EPC2: variants seen among roughly 807,000 people sequenced by gnomAD.
The protein encoded by EPC2 is enhancer of polycomb 2.
EPC2 carries 14 observed loss-of-function variants against 92.1 expected under a neutral mutation model. That is an observed-to-expected ratio of 0.15 (90% CI 0.10 to 0.24). The LOEUF (loss-of-function observed/expected upper bound fraction) is 0.24, where lower values mean the gene tolerates loss of function less well. Ranked by LOEUF, EPC2 falls within the 10% of genes least tolerant of loss-of-function variation. The probability of loss-of-function intolerance (pLI) is 1.00; values close to 1 mark genes in which losing one functional copy is unlikely to be tolerated. For synonymous variants in EPC2, 340 were observed against 334.7 expected, an observed-to-expected ratio of 1.02 and a Z score of -0.17; for missense variants, 755 against 971.5, an observed-to-expected ratio of 0.78 and a Z score of 2.96.
chr2:148,683,468 A>G lies in EPC2; in HGVS notation c.154-6746A>G, dbSNP rs145040933. ...ATTTTAGTAGAGACAGGGTTTCACC[A>G]TGTTAGCCAGGATTGTCTCGATCTC... On this transcript the variant is annotated intron_variant, in intron 1 of 13. Transcript: ENST00000258484. Among the ~76,000 whole-genome samples, 180 of 152,072 alleles carry G rather than the reference A, an allele frequency of 1.2e-3. No individual in the cohort carries two copies. In the Middle Eastern group the frequency reaches 0.014, roughly 12 times the overall value.
At chr2:148,708,178 C>T (rs188527298) in intron 2 of EPC2, among the ~76,000 whole-genome samples, 87 of 152,260 alleles carry the variant, frequency 5.7e-4, no homozygotes, top group Non-Finnish European at 1.3e-4. Flanking sequence ...ACCTGCCCTA[C>T]GGAAGTACAG....
intron 1 of EPC2, among the ~76,000 whole-genome samples, chr2:148,681,376 G>A (rs1211960684): frequency 1.3e-5 from 2 of 152,128 alleles, no homozygotes; most frequent in Non-Finnish European, 2.9e-5. Flanking sequence ...GGGCTGTGTG[G>A]AGAATGGCAG....
chr2:148,645,505 T>G (rs1055211237), intron 1 of EPC2: 1 of 267,684 alleles, frequency 3.7e-6, no homozygotes, highest in African/African-American at 2.2e-5. Flanking sequence ...TCCACCTCCC[T>G]CTCTCAGGCG....
At chr2:148,770,743 C>T in intron 8 of EPC2, 49 bp from the exon 9 acceptor site, 1 of 1,548,374 alleles carries the variant, frequency 6.5e-7, no homozygotes, top group Non-Finnish European at 8.7e-7. Flanking sequence ...GTCTTCATTT[C>T]AGATTTACTC....
intron 4 of EPC2, among the ~76,000 whole-genome samples, chr2:148,756,495 T>C (rs1302688135): frequency 6.6e-6 from 1 of 152,230 alleles, no homozygotes; most frequent in Admixed American, 6.5e-5. Flanking sequence ...AAAACACTTG[T>C]GTAGTTGATG....
chr2:148,725,535 CAGTT>C (rs1682477114), intron 2 of EPC2, among the ~76,000 whole-genome samples: 1 of 152,070 alleles, frequency 6.6e-6, no homozygotes, highest in African/African-American at 2.4e-5. Context: ...CAAAATCAGT[CAGTT>C]GTCATTGATA....
chr2:148,767,120 C>T (rs529117344), intron 7 of EPC2, among the ~76,000 whole-genome samples: 1 of 151,622 alleles, frequency 6.6e-6, no homozygotes, highest in South Asian at 2.1e-4. Flanking sequence ...ATTGCTCGAG[C>T]CAGGGAGATG....
At chr2:148,762,571 T>C in intron 5 of EPC2, 99 bp from the exon 6 acceptor site, 1 of 820,216 alleles carries the variant, frequency 1.2e-6, no homozygotes, top group Non-Finnish European at 1.8e-6. Flanking sequence ...GTTAGCCCTT[T>C]TTGACTAGGT....
chr2:148,700,690 CT>C (rs77147387), intron 2 of EPC2, among the ~76,000 whole-genome samples: 5,302 of 139,748 alleles, frequency 0.038, 265 homozygotes, highest in African/African-American at 0.12. Flanking sequence ...GCCCTTTTTA[CT>C]TTTTTTTTTT....
intron 2 of EPC2, among the ~76,000 whole-genome samples, chr2:148,727,752 A>T (rs1682526255): frequency 6.6e-6 from 1 of 152,336 alleles, no homozygotes; most frequent in South Asian, 2.1e-4. Flanking sequence ...TAACAGAGGG[A>T]TCACTGATCC....
intron 2 of EPC2, among the ~76,000 whole-genome samples, chr2:148,720,486 C>A (rs1483986694): frequency 2.3e-4 from 35 of 152,182 alleles, no homozygotes; most frequent in Non-Finnish European, 2.9e-5. Flanking sequence ...GGACCTCCCG[C>A]CTTGTCTGAG....
intron 1 of EPC2, among the ~76,000 whole-genome samples, chr2:148,666,996 A>G (rs1483488739): frequency 6.6e-6 from 1 of 152,144 alleles, no homozygotes; most frequent in Admixed American, 6.5e-5. Context: ...AACTATGTAA[A>G]TGAAAGACTG....
intron 2 of EPC2, among the ~76,000 whole-genome samples, chr2:148,699,312 CAT>C (rs1391248007): frequency 6.6e-6 from 1 of 152,170 alleles, no homozygotes. Context: ...TATTAAAGTT[CAT>C]AGTTACAGTT....
At position 148,771,058 on chromosome 2, in the gene EPC2, G is replaced by T. The variant is rs773161874; in HGVS notation, c.1391G>T (p.Arg464Leu). Reference sequence around the variant, plus strand: ...TTGCTTTTCAGGGTCATAATGGACCGAATATCCACAGAACATGACCCAGTC... The same window carrying T: ...TTGCTTTTCAGGGTCATAATGGACCTAATATCCACAGAACATGACCCAGTC... ...IGRGGRVIMD[R>L]ISTEHDPVLK... The change falls in exon 10 of 14, where the codon CGA becomes CTA. Residue 464 changes from arginine (R) to leucine (L), a missense_variant. Physicochemically the swap from Arg to Leu is moderately radical, Grantham distance 102 (BLOSUM62 -2). Coordinates refer to ENST00000258484, the MANE Select transcript of EPC2 (RefSeq NM_015630.4). 2 of 1,605,114 alleles carry T rather than the reference G, an allele frequency of 1.2e-6. No homozygotes were observed. The highest frequency in any genetic ancestry group is 2.7e-5 in the African/African-American group (2 of 74,436).
Position 148,743,779 on chromosome 2 carries a change from T to C in EPC2, c.459+12T>C. ...CCAGTTCTAATCAGGTACTGTACCA[T>C]GTAAAGATGTCTCTTATCTTCTAGT... On this transcript the variant is annotated intron_variant, in intron 3 of 13. Transcript: ENST00000258484. 1 of 1,512,136 alleles carries C rather than the reference T, an allele frequency of 6.6e-7. No individual in the cohort carries two copies. Among genetic ancestry groups the C allele is most frequent in the Non-Finnish European group, 8.8e-7 (1 of 1,135,436 alleles). The allele number at this position is 1,512,136 out of a possible 1,614,324, so 93.7% of individuals were successfully genotyped here.
At chr2:148,685,318 T>C (rs1405493052) in intron 1 of EPC2, among the ~76,000 whole-genome samples, 1 of 152,190 alleles carries the variant, frequency 6.6e-6, no homozygotes, top group African/African-American at 2.4e-5. Context: ...AGCTGAAAGA[T>C]ATTTCCCTTT....
At chr2:148,783,972 C>T (rs1683809268) in intron 12 of EPC2, among the ~76,000 whole-genome samples, 1 of 152,204 alleles carries the variant, frequency 6.6e-6, no homozygotes, top group Non-Finnish European at 1.5e-5. Flanking sequence ...TGAATACATA[C>T]CTGTGTAACA....
At chr2:148,746,125 A>C (rs950422192) in intron 3 of EPC2, among the ~76,000 whole-genome samples, 1 of 151,824 alleles carries the variant, frequency 6.6e-6, no homozygotes, top group African/African-American at 2.4e-5. Flanking sequence ...GGGTTTCTTG[A>C]AATTCTGTTC....
chr2:148,767,225 C>T (rs1163273324), intron 7 of EPC2, among the ~76,000 whole-genome samples: 1 of 150,896 alleles, frequency 6.6e-6, no homozygotes, highest in Non-Finnish European at 1.5e-5. Flanking sequence ...ATGAATGATA[C>T]TGTAGGGTGC....
Sources: allele counts gnomAD v4.1 joint callset (sites outside exome capture counted in the v4.1 genomes callset), GRCh38; gene constraint gnomAD v4.1.1; transcripts MANE v1.5; gene names NCBI Gene and HGNC (gene_info 2026-07-23, HGNC 2026-07-21).